ZBTB7C: variants seen among roughly 807,000 people sequenced by gnomAD.
ZBTB7C encodes the protein zinc finger and BTB domain-containing protein 7C.
ZBTB7C carries 8 observed loss-of-function variants against 25.7 expected under a neutral mutation model. The observed-to-expected ratio is 0.31, with a 90% CI of 0.18 to 0.56. The LOEUF is 0.56. Ranked by LOEUF, ZBTB7C falls within the 20% of genes least tolerant of loss-of-function variation. The pLI is 0.91. For synonymous variants in ZBTB7C, 394 were observed against 369.0 expected (o/e 1.07, Z -0.78); for missense variants, 824 against 855.2 (o/e 0.96, Z 0.46).
At chr18:48,318,048 G>A (rs4940353) in intron 2 of ZBTB7C, among the ~76,000 whole-genome samples, 43,353 of 151,176 alleles carry the variant, frequency 0.29, 7,046 homozygotes, top group East Asian at 0.7. Context: ...CAGCCCTTCA[G>A]TCGCCACACA....
At chr18:48,277,091 G>C (rs1376237479) in intron 2 of ZBTB7C, among the ~76,000 whole-genome samples, 1 of 149,136 alleles carries the variant, frequency 6.7e-6, no homozygotes, top group African/African-American at 2.5e-5. Context: ...CATGGGCAAG[G>C]ACTTCATGTC....
At chr18:48,055,248 A>G (rs1396804392) in intron 3 of ZBTB7C, among the ~76,000 whole-genome samples, 2 of 151,728 alleles carry the variant, frequency 1.3e-5, no homozygotes, top group Non-Finnish European at 2.9e-5. Context: ...CATCTCTACT[A>G]AAAATACAAA....
intron 3 of ZBTB7C, among the ~76,000 whole-genome samples, chr18:48,054,270 G>A (rs1450556309): frequency 6.6e-6 from 1 of 152,176 alleles, no homozygotes; most frequent in Non-Finnish European, 1.5e-5. Flanking sequence ...TCCTGGAGCA[G>A]GGAGGGAAGG....
At position 48,268,654 on chromosome 18, in the gene ZBTB7C, T is replaced by C. The variant is rs1346275675; in HGVS notation, c.-79+69520A>G. On this transcript the variant is annotated intron_variant, in intron 2 of 4. Transcript: ENST00000590800. ...ATTCTTTGCTAAAACTGGGCTCAGC[T>C]GGCCAAGGTCAAGGCCTAGGCTAGA... Among the ~76,000 whole-genome samples the C allele has an allele frequency of 3.3e-5, 5 of 152,352 alleles. No individual in the cohort carries two copies. The East Asian group carries it at 9.6e-4, about 29-fold the overall frequency.
intron 2 of ZBTB7C, among the ~76,000 whole-genome samples, chr18:48,234,936 C>A (rs1033527926): frequency 1.3e-5 from 2 of 152,012 alleles, no homozygotes; most frequent in South Asian, 2.1e-4. Flanking sequence ...TGCTGTGAAC[C>A]TTGTTAGCAC....
intron 2 of ZBTB7C, among the ~76,000 whole-genome samples, chr18:48,291,292 G>A (rs536818016): frequency 4.0e-5 from 6 of 151,826 alleles, no homozygotes; most frequent in African/African-American, 1.5e-4. Context: ...GGGTGGTGGT[G>A]AGGGGGGATG....
At chr18:48,144,241 T>G (rs943267628) in intron 3 of ZBTB7C, among the ~76,000 whole-genome samples, 1 of 151,804 alleles carries the variant, frequency 6.6e-6, no homozygotes, top group African/African-American at 2.4e-5. Flanking sequence ...ATTGCACCAC[T>G]GCACTCTAGC....
chr18:48,047,344 C>T (rs1023927907), intron 3 of ZBTB7C, among the ~76,000 whole-genome samples: 1 of 152,062 alleles, frequency 6.6e-6, no homozygotes, highest in African/African-American at 2.4e-5. Flanking sequence ...ATTCCACACA[C>T]ACACACACAC....
Position 48,029,752 on chromosome 18 carries a change from G to A in ZBTB7C, c.1368C>T (p.Ser456=). ...RPYQCEFCYK[S]FTRSDHLHRH... Reference sequence around the variant, plus strand: ...GGTGCAGGTGGTCAGAGCGCGTGAAGCTCTTGTAGCAGAACTCGCACTGGT... The same window carrying A: ...GGTGCAGGTGGTCAGAGCGCGTGAAACTCTTGTAGCAGAACTCGCACTGGT... Residue 456 remains serine, a synonymous_variant, in exon 5 of 5, where the codon AGC becomes AGT. Transcript: ENST00000590800. 6.2e-7 allele frequency: 1 copy of A among 1,608,184 alleles called. No individual in the cohort carries two copies. Among genetic ancestry groups the A allele is most frequent in the Non-Finnish European group, 8.5e-7 (1 of 1,179,988 alleles).
At chr18:48,226,433 G>A (rs114951872) in intron 2 of ZBTB7C, among the ~76,000 whole-genome samples, 3,532 of 152,320 alleles carry the variant, frequency 0.023, 137 homozygotes, top group African/African-American at 0.08. Context: ...AAGGTACTAT[G>A]TTGAGGAGCT....
intron 2 of ZBTB7C, among the ~76,000 whole-genome samples, chr18:48,210,306 T>G (rs2042673283): frequency 6.6e-6 from 1 of 152,138 alleles, no homozygotes; most frequent in Admixed American, 6.5e-5. Context: ...ATCCAGAAAT[T>G]TCACTCCTAA....
Position 48,270,253 on chromosome 18 carries a change from C to CTTTTTTT in ZBTB7C, c.-79+67914_-79+67920dup, listed in dbSNP as rs760096959. Among the ~76,000 whole-genome samples the CTTTTTTT allele has an allele frequency of 1.5e-3, 150 of 98,752 alleles. 1 individual carries two copies. Among genetic ancestry groups the CTTTTTTT allele is most frequent in the Non-Finnish European group, 2.2e-3 (109 of 49,492 alleles). 64.8% of individuals were successfully genotyped at this position (98,752 alleles called of 152,430 possible). ...TAAACCTAGTTCTTTTTCTCTCTTT[C>CTTTTTTT]TTTTTTTTTTTTTTTTTTTTTTTGA... is the stretch of plus-strand genomic sequence containing the variant. On this transcript the variant is annotated intron_variant, in intron 2 of 4. Coordinates refer to ENST00000590800, the MANE Select transcript of ZBTB7C (RefSeq NM_001318841.2).
chr18:48,136,889 C>T, intron 3 of ZBTB7C: 2 of 868,618 alleles, frequency 2.3e-6, no homozygotes, highest in Non-Finnish European at 2.8e-6. Context: ...ATGCCCGCAG[C>T]GCTCTCCCGG....
intron 3 of ZBTB7C, among the ~76,000 whole-genome samples, chr18:48,154,833 G>A (rs2040786938): frequency 6.6e-6 from 1 of 152,192 alleles, no homozygotes. Context: ...GATTAAATGA[G>A]TCACACTCTG....
At chr18:48,185,065 G>A (rs1374929602) in intron 3 of ZBTB7C, among the ~76,000 whole-genome samples, 1 of 151,992 alleles carries the variant, frequency 6.6e-6, no homozygotes, top group Non-Finnish European at 1.5e-5. Context: ...TTTGCATCTG[G>A]ACCATTCCTG....
chr18:48,288,628 C>G (rs572571661), intron 2 of ZBTB7C, among the ~76,000 whole-genome samples: 1 of 152,280 alleles, frequency 6.6e-6, no homozygotes, highest in East Asian at 1.9e-4. Flanking sequence ...TACACTCCAG[C>G]CTAGGCAACA....
intron 3 of ZBTB7C, among the ~76,000 whole-genome samples, chr18:48,044,454 C>T (rs368675765): frequency 2.6e-5 from 4 of 152,232 alleles, no homozygotes; most frequent in Admixed American, 6.5e-5. Context: ...GGGCAGCCTG[C>T]GTGGTTGCAT....
At chr18:48,368,398 C>G (rs757829862) in intron 1 of ZBTB7C, among the ~76,000 whole-genome samples, 18 of 151,978 alleles carry the variant, frequency 1.2e-4, no homozygotes, top group Non-Finnish European at 2.2e-4. Flanking sequence ...AAAAAAGTTA[C>G]TCAATCTGAA....
At chr18:48,037,264 G>A (rs555547578) in intron 4 of ZBTB7C, among the ~76,000 whole-genome samples, 11 of 152,368 alleles carry the variant, frequency 7.2e-5, no homozygotes, top group East Asian at 1.9e-4. Flanking sequence ...CCAGATGGCC[G>A]TCATTCTGGA....
Sources: gnomAD v4.1 joint callset for allele counts (sites outside exome capture counted in the v4.1 genomes callset) on GRCh38, gnomAD v4.1.1 for gene constraint, MANE v1.5 for transcripts, NCBI Gene and HGNC (gene_info 2026-07-23, HGNC 2026-07-21) for gene names.